The following C13orf46 variants were observed in gnomAD, a reference collection of about 807,000 sequenced individuals.
The protein encoded by C13orf46 is uncharacterized protein C13orf46.
At chr13:113,943,079 T>C in the C13orf46 span, among the ~76,000 whole-genome samples, 9 of 152,124 alleles carry the variant, frequency 5.9e-5, no homozygotes, top group Non-Finnish European at 1.3e-4. Flanking sequence ...AATGGCTGCC[T>C]CCCACAGGAG....
intron 6 of C13orf46, 84 bp downstream of exon 6, chr13:113,964,843 A>G (rs2052620785): frequency 6.6e-6 from 1 of 152,100 alleles, no homozygotes; most frequent in Non-Finnish European, 1.5e-5. Context: ...CACCACACAC[A>G]AGGCATGGTG....
chr13:113,945,673 G>GAAAGA, the C13orf46 span, among the ~76,000 whole-genome samples: 2 of 116,204 alleles, frequency 1.7e-5, no homozygotes, highest in East Asian at 2.4e-4. Flanking sequence ...AGAAAGAAAG[G>GAAAGA]AAAGAAAAAC....
chr13:113,955,682 G>T lies in C13orf46; in HGVS notation c.*1091C>A. The T allele has an allele frequency of 6.5e-6, 1 of 153,898 alleles. No individual in the cohort carries two copies. The highest frequency in any genetic ancestry group is 2.6e-5 in the African/African-American group (1 of 38,472). The allele number at this position is 153,898 out of a possible 1,614,324, so 9.5% of individuals were successfully genotyped here. A position where few individuals can be genotyped will look rare whatever the true frequency, so the allele number is the denominator to read the frequency against. On this transcript the variant is annotated 3_prime_UTR_variant, in exon 7 of 7. Transcript: ENST00000636427. ...GAGACAAGGAGTAGTGTCTGGCAGA[G>T]ACGAGGAGTAGTGTCTGGCGGAGAG...
At chr13:113,936,347 C>T in the C13orf46 span, among the ~76,000 whole-genome samples, 18 of 152,288 alleles carry the variant, frequency 1.2e-4, no homozygotes, top group African/African-American at 2.4e-4. Flanking sequence ...GTATTGGCCC[C>T]GTGGGGAGCT....
chr13:113,943,579 C>T, the C13orf46 span, among the ~76,000 whole-genome samples: 267 of 152,264 alleles, frequency 1.8e-3, 10 homozygotes, highest in South Asian at 0.053. Context: ...TCTGTGTGGA[C>T]GTTAATGCTG....
At chr13:113,973,122 A>T (rs2052726546) in intron 1 of C13orf46, among the ~76,000 whole-genome samples, 2 of 152,112 alleles carry the variant, frequency 1.3e-5, no homozygotes, top group African/African-American at 4.8e-5. Flanking sequence ...AAGGCTGGGA[A>T]TGTGTCAGAC....
At chr13:113,941,798 C>A in the C13orf46 span, among the ~76,000 whole-genome samples, 27 of 152,356 alleles carry the variant, frequency 1.8e-4, no homozygotes, top group Non-Finnish European at 2.6e-4. Flanking sequence ...CTGCCTGGAC[C>A]TGCCCAGCGC....
downstream of C13orf46, among the ~76,000 whole-genome samples, chr13:113,950,607 T>C (rs2052484938): frequency 6.6e-6 from 1 of 152,172 alleles, no homozygotes; most frequent in Non-Finnish European, 1.5e-5. Context: ...ATTGCCCTTT[T>C]CAGACCTGGA....
the C13orf46 span, among the ~76,000 whole-genome samples, chr13:113,937,708 G>GA: frequency 6.6e-6 from 1 of 152,190 alleles, no homozygotes; most frequent in Non-Finnish European, 1.5e-5. Flanking sequence ...GTTCGGTCCG[G>GA]AAAGGCGGGA....
the C13orf46 span, among the ~76,000 whole-genome samples, chr13:113,940,478 G>A: frequency 1.4e-5 from 2 of 143,038 alleles, no homozygotes; most frequent in African/African-American, 2.6e-5. Context: ...CCATGTGTGA[G>A]GCTGGGCATT....
chr13:113,930,081 G>A, the C13orf46 span, among the ~76,000 whole-genome samples: 2 of 152,216 alleles, frequency 1.3e-5, no homozygotes, highest in South Asian at 4.1e-4. Context: ...TTTGATGCCC[G>A]GCAGCCAGCA....
chr13:113,932,224 G>A, the C13orf46 span, among the ~76,000 whole-genome samples: 4 of 152,210 alleles, frequency 2.6e-5, no homozygotes, highest in Non-Finnish European at 5.9e-5. Context: ...GAACGTTTAC[G>A]ACACAGTCTT....
chr13:113,963,573 C>T (rs1211888695), intron 6 of C13orf46, among the ~76,000 whole-genome samples: 4 of 149,038 alleles, frequency 2.7e-5, no homozygotes, highest in Non-Finnish European at 4.5e-5. Flanking sequence ...TCAGCCTCGC[C>T]CCTGTCCTCA....
the C13orf46 span, among the ~76,000 whole-genome samples, chr13:113,934,689 G>A: frequency 8.5e-4 from 130 of 152,356 alleles, no homozygotes; most frequent in African/African-American, 2.8e-3. Context: ...TCCTCACCAC[G>A]CCATCTGGGC....
At chr13:113,960,986 G>T (rs1447281092) in intron 6 of C13orf46, among the ~76,000 whole-genome samples, 2 of 152,162 alleles carry the variant, frequency 1.3e-5, no homozygotes, top group African/African-American at 4.8e-5. Context: ...CTTTAAAAGG[G>T]TTATGGTTTT....
At chr13:113,951,942 T>C (rs2052490616), downstream of C13orf46, among the ~76,000 whole-genome samples, 1 of 152,114 alleles carries the variant, frequency 6.6e-6, no homozygotes, top group South Asian at 2.1e-4. Context: ...AACCTATGCC[T>C]CTCTCCGTAT....
At chr13:113,959,974 C>A (rs2052574585) in intron 6 of C13orf46, among the ~76,000 whole-genome samples, 1 of 152,030 alleles carries the variant, frequency 6.6e-6, no homozygotes, top group African/African-American at 2.4e-5. Flanking sequence ...AGCTTTGGGC[C>A]AGGCATGGTG....
At chr13:113,942,550 C>CGGAG in the C13orf46 span, among the ~76,000 whole-genome samples, 1 of 152,174 alleles carries the variant, frequency 6.6e-6, no homozygotes, top group Non-Finnish European at 1.5e-5. Flanking sequence ...GACAGCCTTA[C>CGGAG]CTCCACAGGA....
intron 5 of C13orf46, among the ~76,000 whole-genome samples, chr13:113,965,680 GTGA>G (rs1187001466): frequency 0.029 from 3,287 of 114,800 alleles, 115 homozygotes; most frequent in African/African-American, 0.085. Context: ...AATGGTGATG[GTGA>G]TGATGATGGT....
Sources: allele counts gnomAD v4.1 joint callset (sites outside exome capture counted in the v4.1 genomes callset), GRCh38; gene constraint gnomAD v4.1.1; transcripts MANE v1.5; gene names NCBI Gene and HGNC (gene_info 2026-07-23, HGNC 2026-07-21).